MYO9A: variants seen among roughly 807,000 people sequenced by gnomAD.
MYO9A encodes the protein unconventional myosin-IXa.
Under a neutral mutation model 293.3 loss-of-function variants are expected in MYO9A, and 103 were observed. The observed-to-expected ratio is 0.35, with a 90% CI of 0.30 to 0.41. MYO9A has a LOEUF of 0.41. MYO9A is among the 10% of genes least tolerant of loss of function. The pLI, the probability that MYO9A is intolerant of heterozygous loss-of-function variation, is 1.00. For missense variants in MYO9A, 2,685 were observed against 3,033.0 expected (o/e 0.89, Z 2.69); for synonymous variants, 1,001 against 1,035.7 (o/e 0.97, Z 0.64).
intron 25 of MYO9A, among the ~76,000 whole-genome samples, chr15:71,894,248 T>C (rs1239475552): frequency 6.6e-6 from 1 of 152,188 alleles, no homozygotes; most frequent in African/African-American, 2.4e-5. Flanking sequence ...GAAATCTCTC[T>C]TTGTAGTTTT....
chr15:72,067,675 C>T (rs965962661), intron 1 of MYO9A, among the ~76,000 whole-genome samples: 1 of 152,194 alleles, frequency 6.6e-6, no homozygotes. Flanking sequence ...GGAGACTAGA[C>T]TATAACCAAA....
At chr15:72,008,319 C>T (rs998893208) in intron 7 of MYO9A, among the ~76,000 whole-genome samples, 9 of 152,016 alleles carry the variant, frequency 5.9e-5, no homozygotes, top group Non-Finnish European at 1.0e-4. Flanking sequence ...ATCAGAATTG[C>T]CAAAGGAAAG....
intron 1 of MYO9A, among the ~76,000 whole-genome samples, chr15:72,075,881 G>A (rs1417299767): frequency 6.6e-6 from 1 of 152,172 alleles, no homozygotes; most frequent in Non-Finnish European, 1.5e-5. Flanking sequence ...AAGAGTACTA[G>A]AAAATATTGT....
intron 14 of MYO9A, among the ~76,000 whole-genome samples, chr15:71,956,322 A>AT (rs1441439642): frequency 5.7e-4 from 9 of 15,866 alleles, no homozygotes; most frequent in South Asian, 2.8e-3. Context: ...AAAAAAAAAA[A>AT]AAAAAAAAAT....
In MYO9A at chr15:72,046,633, A is replaced by G; in HGVS notation, c.-70T>C. ...GTGCAAACCATTTTCTTGGTAAAAT[A>G]ACTGTAACATAAAAGATGCAAAATA... On this transcript the variant is annotated splice_region_variant and 5_prime_UTR_variant, in exon 2 of 42. Coordinates refer to ENST00000356056, the MANE Select transcript of MYO9A (RefSeq NM_006901.4). 1 of 1,465,094 alleles carries G rather than the reference A, an allele frequency of 6.8e-7. No individual in the cohort carries two copies. The highest frequency in any genetic ancestry group is 9.0e-7 in the Non-Finnish European group (1 of 1,107,830). The allele number at this position is 1,465,094 out of a possible 1,614,324, so 90.8% of individuals were successfully genotyped here. A position where few individuals can be genotyped will look rare whatever the true frequency, so the allele number is the denominator to read the frequency against.
At chr15:71,978,047 A>T in intron 12 of MYO9A, 124 bp downstream of exon 12, 1 of 1,140,338 alleles carries the variant, frequency 8.8e-7, no homozygotes, top group Non-Finnish European at 1.3e-6. Context: ...AAAAATAAAT[A>T]AAAAAATAAA....
intron 32 of MYO9A, among the ~76,000 whole-genome samples, chr15:71,871,689 GA>G (rs1219443485): frequency 0.032 from 2,342 of 73,514 alleles, 56 homozygotes; most frequent in African/African-American, 0.1. Context: ...GTCTCAAAAA[GA>G]AAAAAAAAAA....
intron 19 of MYO9A, among the ~76,000 whole-genome samples, chr15:71,914,505 C>T (rs1191874600): frequency 2.0e-5 from 3 of 152,124 alleles, no homozygotes; most frequent in Admixed American, 6.5e-5. Flanking sequence ...GTTTCCTCAC[C>T]TTTATAATAA....
At chr15:72,101,558 T>G (rs1306042352) in intron 1 of MYO9A, among the ~76,000 whole-genome samples, 4 of 90,614 alleles carry the variant, frequency 4.4e-5, no homozygotes, top group Admixed American at 1.2e-4. Context: ...GTCCGGGAGG[T>G]GAGGGGCGCC....
rs1203810134 is a variant in MYO9A, at chr15:71,852,135, T to C, written c.6472A>G (p.Met2158Val). 28 of 1,611,580 alleles carry C rather than the reference T, an allele frequency of 1.7e-5. No homozygotes were observed. Among genetic ancestry groups the C allele is most frequent in the East Asian group, 2.2e-5 (1 of 44,844 alleles). The change falls in exon 36 of 42, where the codon ATG becomes GTG. Residue 2158 changes from methionine (M) to valine (V), a missense_variant. Met to Val is a conservative substitution (Grantham distance 21, BLOSUM62 1). Around this residue, in one of 10 missense-constraint regions of MYO9A, gnomAD observed 238 missense variants for 269.1 expected, o/e 0.88. Transcript: ENST00000356056. Reference sequence around the variant, plus strand: ...AACCCAGGAAGCCTATGCTTACCCATAGCTCGAAGAAATTCCTCATAGAGT... The same window carrying C: ...AACCCAGGAAGCCTATGCTTACCCACAGCTCGAAGAAATTCCTCATAGAGT... ...FELYEEFLRA[M>V]GLQERKETIR... is the part of the protein sequence containing the mutation.
rs1004897895 is a variant in MYO9A at position 71,954,028 on chromosome 15, T to C, written c.2183-2132A>G. On this transcript the variant is annotated intron_variant, in intron 14 of 41. Transcript: ENST00000356056. ...CTCCTGCCTCAGCCTCCGGAGTAGC[T>C]GGGACTACAGGCACGCACCACCATG... 6.6e-5 allele frequency among the ~76,000 whole-genome samples: 10 copies of C among 152,078 alleles called. No individual in the cohort carries two copies. The East Asian group carries it at 1.9e-3, about 29-fold the overall frequency.
chr15:71,880,151 C>T (rs1488466524), intron 29 of MYO9A, among the ~76,000 whole-genome samples, 184 bp downstream of exon 29: 1 of 152,246 alleles, frequency 6.6e-6, no homozygotes, highest in Non-Finnish European at 1.5e-5. Context: ...AGCCTACAAC[C>T]TTAAATCCTG....
chr15:71,889,119 C>T (rs992703465), intron 26 of MYO9A, among the ~76,000 whole-genome samples: 1 of 152,024 alleles, frequency 6.6e-6, no homozygotes, highest in African/African-American at 2.4e-5. Context: ...TGACTAGAGA[C>T]CAAAAGACAG....
At chr15:72,066,721 T>C (rs2079033709) in intron 1 of MYO9A, among the ~76,000 whole-genome samples, 2 of 152,114 alleles carry the variant, frequency 1.3e-5, no homozygotes, top group South Asian at 2.1e-4. Flanking sequence ...GGTATATACA[T>C]ATGTAAGAAA....
chr15:71,956,632 C>A (rs1379790147), intron 14 of MYO9A, among the ~76,000 whole-genome samples: 1 of 149,708 alleles, frequency 6.7e-6, no homozygotes, highest in African/African-American at 2.4e-5. Context: ...GGCGACAGAG[C>A]GAGACTCCGT....
intron 9 of MYO9A, among the ~76,000 whole-genome samples, 191 bp from the exon 10 acceptor site, chr15:71,994,776 AC>A (rs1431909384): frequency 2.0e-5 from 3 of 152,256 alleles, no homozygotes; most frequent in Non-Finnish European, 4.4e-5. Flanking sequence ...CTCATTGGCC[AC>A]GCTGGAATGC....
chr15:71,831,746 A>G (rs1322506858), intron 39 of MYO9A, among the ~76,000 whole-genome samples: 1 of 152,226 alleles, frequency 6.6e-6, no homozygotes, highest in East Asian at 1.9e-4. Flanking sequence ...AAATACTCTG[A>G]CAAATAATCA....
chr15:71,836,393 A>G (rs1260261389), intron 39 of MYO9A, among the ~76,000 whole-genome samples: 1 of 152,104 alleles, frequency 6.6e-6, no homozygotes, highest in Non-Finnish European at 1.5e-5. Flanking sequence ...AGGTGGAGCA[A>G]TTGGGAATTC....
intron 18 of MYO9A, among the ~76,000 whole-genome samples, chr15:71,926,151 T>C (rs1468964968): frequency 1.3e-5 from 2 of 152,202 alleles, no homozygotes; most frequent in Non-Finnish European, 2.9e-5. Flanking sequence ...ACATCCGATG[T>C]TACTGCCTCA....
Sources: gnomAD v4.1 joint callset for allele counts (sites outside exome capture counted in the v4.1 genomes callset) on GRCh38, gnomAD v4.1.1 for gene constraint, gnomAD v4.1.1 regional missense constraint, MANE v1.5 for transcripts, NCBI Gene and HGNC (gene_info 2026-07-23, HGNC 2026-07-21) for gene names.